SRR: variants seen among roughly 807,000 people sequenced by gnomAD.
SRR encodes D-serine ammonia-lyase.
Under a neutral mutation model 32.7 loss-of-function variants are expected in SRR, and 19 were observed. That is an observed-to-expected ratio of 0.58 (90% CI 0.40 to 0.85). The LOEUF (loss-of-function observed/expected upper bound fraction) is 0.85, where lower values mean the gene tolerates loss of function less well. Ranked by LOEUF, SRR falls within the 40% of genes least tolerant of loss-of-function variation. SRR has a pLI of 0.00. For synonymous variants in SRR, 142 were observed against 140.9 expected (o/e 1.01, Z -0.06); for missense variants, 373 against 404.7 (o/e 0.92, Z 0.67).
intron 1 of SRR, among the ~76,000 whole-genome samples, chr17:2,304,809 T>C (rs552604072): frequency 3.9e-5 from 6 of 152,268 alleles, no homozygotes; most frequent in Non-Finnish European, 7.4e-5. Context: ...CTATGGATTC[T>C]TGAAAAAAAT....
chr17:2,303,863 G>A (rs2151425361), upstream of SRR: 1 of 638,360 alleles, frequency 1.6e-6, no homozygotes, highest in Non-Finnish European at 2.5e-6. Context: ...AACGACGGTG[G>A]CCGCGCTGGG....
At chr17:2,314,380 G>A (rs2151432121) in intron 1 of SRR, among the ~76,000 whole-genome samples, 2 of 152,116 alleles carry the variant, frequency 1.3e-5, no homozygotes, top group Admixed American at 1.3e-4. Context: ...TCAGGAGATT[G>A]AGACTATCCT....
chr17:2,325,187 G>T lies in SRR; in HGVS notation c.*1314G>T. 1 of 771,978 alleles carries T rather than the reference G, an allele frequency of 1.3e-6. No individual in the cohort carries two copies. The highest frequency in any genetic ancestry group is 2.1e-6 in the Non-Finnish European group (1 of 482,886). The allele number at this position is 771,978 out of a possible 1,614,324, so 47.8% of individuals were successfully genotyped here. On this transcript the variant is annotated 3_prime_UTR_variant, in exon 8 of 8. Coordinates refer to ENST00000344595, the MANE Select transcript of SRR (RefSeq NM_021947.3). The stretch of plus-strand genomic sequence containing the variant: ...GTTAAATGAAGACTTACTGTATTTT[G>T]AAAACCATCATTACCTTCTCCATAC...
intron 2 of SRR, among the ~76,000 whole-genome samples, 167 bp from the exon 3 acceptor site, chr17:2,317,703 C>CA (rs1049804059): frequency 6.6e-6 from 1 of 151,390 alleles, no homozygotes; most frequent in Non-Finnish European, 1.5e-5. Context: ...GACTCCATCT[C>CA]AAAAAAATAA....
At chr17:2,320,175 G>A (rs989063231) in intron 4 of SRR, among the ~76,000 whole-genome samples, 1 of 150,788 alleles carries the variant, frequency 6.6e-6, no homozygotes, top group African/African-American at 2.4e-5. Flanking sequence ...CATACACGGT[G>A]GAAACGAGAG....
intron 1 of SRR, chr17:2,307,643 T>C: frequency 1.0e-6 from 1 of 963,268 alleles, no homozygotes; most frequent in Non-Finnish European, 1.7e-6. Flanking sequence ...GCCAATACTT[T>C]ACCAAACCAC....
chr17:2,321,877 A>G (rs1196834105), intron 6 of SRR, among the ~76,000 whole-genome samples: 2 of 152,198 alleles, frequency 1.3e-5, no homozygotes, highest in African/African-American at 4.8e-5. Flanking sequence ...TCCCGGGTTC[A>G]AGCGATTCTC....
In SRR at chr17:2,317,521, T is replaced by TA. The variant is rs1214047731; in HGVS notation, c.169-337dup. 8.0e-3 allele frequency among the ~76,000 whole-genome samples: 1,118 copies of TA among 140,112 alleles called. 16 individuals carry two copies. Among genetic ancestry groups the TA allele is most frequent in the African/African-American group, 0.028 (1,052 of 37,408 alleles). The allele number at this position is 140,112 out of a possible 152,430, so 91.9% of individuals were successfully genotyped here. On this transcript the variant is annotated intron_variant, in intron 2 of 7. Coordinates refer to ENST00000344595, the MANE Select transcript of SRR (RefSeq NM_021947.3). ...CAGAGCGAGACTAGGTCTAAAAAAA[T>TA]AAAAAAAAAAAATTTAGCCGGGCAT...
chr17:2,303,890 G>T, upstream of SRR: 1 of 519,418 alleles, frequency 1.9e-6, no homozygotes, highest in Non-Finnish European at 3.3e-6. Context: ...AGCGCCCGCC[G>T]CCGGTTCCAG....
intron 4 of SRR, among the ~76,000 whole-genome samples, chr17:2,320,798 G>A (rs2075521857): frequency 6.6e-6 from 1 of 152,226 alleles, no homozygotes; most frequent in African/African-American, 2.4e-5. Flanking sequence ...CTGACCTGAA[G>A]TGATCTGCCC....
chr17:2,310,165 T>C (rs2075423358), intron 1 of SRR, among the ~76,000 whole-genome samples: 1 of 152,186 alleles, frequency 6.6e-6, no homozygotes, highest in African/African-American at 2.4e-5. Flanking sequence ...GTTCTATCAC[T>C]TGCAACTAAG....
In SRR at chr17:2,324,738, G is replaced by C. The variant is rs767333790; in HGVS notation, c.*865G>C. On this transcript the variant is annotated 3_prime_UTR_variant, in exon 8 of 8. Transcript: ENST00000344595. ...CTACTGCCATCTTAGTAAAAATTTT[G>C]AAAGGATGACCACTCAGAACAACTC... is the stretch of plus-strand genomic sequence containing the variant. The C allele has an allele frequency of 3.1e-6, 5 of 1,614,146 alleles. No individual in the cohort carries two copies. Among genetic ancestry groups the C allele is most frequent in the Non-Finnish European group, 4.2e-6 (5 of 1,180,026 alleles).
At chr17:2,310,959 G>A (rs1164976009) in intron 1 of SRR, among the ~76,000 whole-genome samples, 1 of 151,744 alleles carries the variant, frequency 6.6e-6, no homozygotes, top group Non-Finnish European at 1.5e-5. Context: ...TGTTAGCCAG[G>A]ATGGTCTCGA....
At chr17:2,323,098 G>T (rs1597271390) in intron 6 of SRR, 38 bp from the exon 7 acceptor site, 3 of 1,598,794 alleles carry the variant, frequency 1.9e-6, no homozygotes, top group Non-Finnish European at 2.6e-6. Flanking sequence ...GCAATGTTGT[G>T]GTTTGTTGTT....
At chr17:2,316,870 G>A (rs1175320783) in intron 2 of SRR, among the ~76,000 whole-genome samples, 1 of 140,184 alleles carries the variant, frequency 7.1e-6, no homozygotes, top group Non-Finnish European at 1.5e-5. Context: ...CTGCCACCAC[G>A]CCCAGCTAAT....
Position 2,324,493 on chromosome 17 carries a change from T to C in SRR, c.*620T>C. 6.2e-7 allele frequency: 1 copy of C among 1,614,216 alleles called. No homozygotes were observed. The highest frequency in any genetic ancestry group is 8.5e-7 in the Non-Finnish European group (1 of 1,180,026). ...AATGCAGACATGGTCTCAAATCCCG[T>C]GTTTCCTTACCTAAAGGTTCCTTGA... On this transcript the variant is annotated 3_prime_UTR_variant, in exon 8 of 8. Transcript: ENST00000344595.
At chr17:2,310,184 C>G (rs1381462246) in intron 1 of SRR, among the ~76,000 whole-genome samples, 1 of 152,190 alleles carries the variant, frequency 6.6e-6, no homozygotes, top group Admixed American at 6.5e-5. Context: ...AGAGGACTAA[C>G]TGTTTACAAC....
At chr17:2,319,768 G>A (rs1037719923) in intron 4 of SRR, among the ~76,000 whole-genome samples, 1 of 151,412 alleles carries the variant, frequency 6.6e-6, no homozygotes, top group Non-Finnish European at 1.5e-5. Flanking sequence ...CACACTACAG[G>A]CTTTTTTGAG....
At chr17:2,318,018 T>C (rs1378180295) in intron 3 of SRR, 22 bp downstream of exon 3, 1 of 1,583,148 alleles carries the variant, frequency 6.3e-7, no homozygotes, top group African/African-American at 1.3e-5. Flanking sequence ...CTCAAGGTAC[T>C]GGGTAGATCT....
Sources: allele counts gnomAD v4.1 joint callset (sites outside exome capture counted in the v4.1 genomes callset), GRCh38; gene constraint gnomAD v4.1.1; transcripts MANE v1.5; gene names NCBI Gene and HGNC (gene_info 2026-07-23, HGNC 2026-07-21).